The following DNM3 variants were observed in gnomAD, a reference collection of about 807,000 sequenced individuals.
DNM3 encodes the protein dynamin 3, also known as dynamin-3.
DNM3 carries 47 observed loss-of-function variants against 101.6 expected under a neutral mutation model. That is an observed-to-expected ratio of 0.46 (90% CI 0.37 to 0.59). The LOEUF is 0.59. Among genes scored for constraint, DNM3 ranks in the 20% least tolerant of loss-of-function variants. The pLI is 0.00. For synonymous variants in DNM3, 385 were observed against 387.9 expected (o/e 0.99, Z 0.09); for missense variants, 849 against 1,085.7 (o/e 0.78, Z 3.06).
At chr1:172,168,588 T>A (rs932465143) in intron 14 of DNM3, among the ~76,000 whole-genome samples, 2 of 151,954 alleles carry the variant, frequency 1.3e-5, no homozygotes, top group Admixed American at 1.3e-4. Flanking sequence ...ACTAAGCAAT[T>A]GAAGTATATG....
chr1:172,047,214 T>G (rs2049882622), intron 9 of DNM3, among the ~76,000 whole-genome samples: 1 of 152,192 alleles, frequency 6.6e-6, no homozygotes, highest in African/African-American at 2.4e-5. Context: ...TTCTTCATTG[T>G]TTTGTTAACA....
intron 15 of DNM3, among the ~76,000 whole-genome samples, chr1:172,264,854 G>A (rs73030918): frequency 1.3e-5 from 2 of 152,044 alleles, no homozygotes; most frequent in African/African-American, 2.4e-5. Context: ...CTACAACCCA[G>A]GTCTAATATC....
rs529747726 is a variant in DNM3 at position 172,409,582 on chromosome 1, C to A, written c.*1741C>A. The A allele has an allele frequency of 3.0e-6, 3 of 985,410 alleles. No individual in the cohort carries two copies. The highest frequency in any genetic ancestry group is 1.1e-4 in the East Asian group (1 of 8,818). The allele number at this position is 985,410 out of a possible 1,614,324, so 61.0% of individuals were successfully genotyped here. A position where few individuals can be genotyped will look rare whatever the true frequency, so the allele number is the denominator to read the frequency against. On this transcript the variant is annotated 3_prime_UTR_variant, in exon 21 of 21. Coordinates refer to ENST00000627582, the MANE Select transcript of DNM3 (RefSeq NM_015569.5). ...AAATCCTCTCGTATCTCACCCCAAA[C>A]CCCAAACTGGGGGAAAAAAAGTTAA... is the stretch of plus-strand genomic sequence containing the variant.
intron 18 of DNM3, among the ~76,000 whole-genome samples, chr1:172,386,154 TC>T (rs1466461307): frequency 5.3e-5 from 8 of 152,244 alleles, no homozygotes; most frequent in African/African-American, 1.7e-4. Context: ...CCATACTTCA[TC>T]GATTCTCACA....
chr1:172,313,112 A>G (rs750043708), intron 16 of DNM3, among the ~76,000 whole-genome samples: 61 of 152,244 alleles, frequency 4.0e-4, no homozygotes, highest in Non-Finnish European at 8.2e-4. Context: ...ATTTGGATTT[A>G]GCAGAATTTT....
intron 13 of DNM3, among the ~76,000 whole-genome samples, chr1:172,123,333 A>G (rs1402376929): frequency 6.6e-6 from 1 of 152,162 alleles, no homozygotes; most frequent in Non-Finnish European, 1.5e-5. Flanking sequence ...TCATAGCATT[A>G]GTTCATCAGA....
chr1:172,215,222 C>T (rs555898254), intron 14 of DNM3, among the ~76,000 whole-genome samples: 1 of 152,180 alleles, frequency 6.6e-6, no homozygotes, highest in African/African-American at 2.4e-5. Context: ...GTCTATTGCA[C>T]TTTTGAATAG....
At chr1:172,234,645 T>C (rs1441660838) in intron 14 of DNM3, among the ~76,000 whole-genome samples, 3 of 152,098 alleles carry the variant, frequency 2.0e-5, no homozygotes, top group Admixed American at 1.3e-4. Flanking sequence ...ATTACAAGGC[T>C]ACAGTAACCA....
chr1:172,205,004 G>C (rs2060276528), intron 14 of DNM3, among the ~76,000 whole-genome samples: 1 of 152,110 alleles, frequency 6.6e-6, no homozygotes, highest in Non-Finnish European at 1.5e-5. Flanking sequence ...TAATGGAAAA[G>C]AAAATAGTAG....
At chr1:172,044,334 A>G in intron 8 of DNM3, 51 bp from the exon 9 acceptor site, 1 of 1,449,066 alleles carries the variant, frequency 6.9e-7, no homozygotes, top group Non-Finnish European at 9.5e-7. Flanking sequence ...GTTCAACAAT[A>G]TTATTCAAAG....
intron 15 of DNM3, among the ~76,000 whole-genome samples, chr1:172,297,428 T>C (rs2064221924): frequency 6.6e-6 from 1 of 152,160 alleles, no homozygotes. Context: ...TGTAAGTGTA[T>C]TATCTACTGG....
chr1:172,262,813 C>CT (rs976170809), intron 15 of DNM3, among the ~76,000 whole-genome samples: 3 of 152,050 alleles, frequency 2.0e-5, no homozygotes, highest in Admixed American at 6.5e-5. Flanking sequence ...AGTGGATAGA[C>CT]TTTTTTTAGT....
intron 14 of DNM3, chr1:172,131,739 A>G: frequency 3.1e-6 from 1 of 321,424 alleles, no homozygotes; most frequent in South Asian, 2.6e-5. Flanking sequence ...AAAGGCTTTT[A>G]AGAACGTCCA....
chr1:171,875,476 T>C (rs967618634), intron 1 of DNM3, among the ~76,000 whole-genome samples: 3 of 152,226 alleles, frequency 2.0e-5, no homozygotes, highest in African/African-American at 2.4e-5. Flanking sequence ...GAATATAGTA[T>C]GTAAAAATGA....
chr1:172,048,870 C>A, intron 10 of DNM3, 120 bp downstream of exon 10: 1 of 1,259,554 alleles, frequency 7.9e-7, no homozygotes, highest in Non-Finnish European at 1.1e-6. Context: ...TGTTTGCCTA[C>A]AGGGAATGGT....
At chr1:171,969,376 A>G (rs1164521604) in intron 2 of DNM3, among the ~76,000 whole-genome samples, 1 of 152,202 alleles carries the variant, frequency 6.6e-6, no homozygotes, top group Non-Finnish European at 1.5e-5. Context: ...ATGATAAATC[A>G]TAGTCAGGAT....
chr1:172,167,308 C>A (rs2148325508), intron 14 of DNM3, among the ~76,000 whole-genome samples: 1 of 152,178 alleles, frequency 6.6e-6, no homozygotes, highest in Non-Finnish European at 1.5e-5. Flanking sequence ...TTTTCTTAAT[C>A]CAGTCTATCA....
At chr1:172,073,767 C>T (rs773293260) in intron 11 of DNM3, among the ~76,000 whole-genome samples, 3 of 152,160 alleles carry the variant, frequency 2.0e-5, no homozygotes, top group South Asian at 2.1e-4. Flanking sequence ...CTGTAAGCAC[C>T]GTATTTCTCC....
chr1:172,063,462 ACAC>A lies in DNM3; in HGVS notation c.1336-5356_1336-5354del, dbSNP rs2051407049. Among the ~76,000 whole-genome samples the A allele has an allele frequency of 2.6e-5, 4 of 152,154 alleles. No homozygotes were observed. The South Asian group carries it at 8.3e-4, about 32-fold the overall frequency. On this transcript the variant is annotated intron_variant, in intron 10 of 20. Transcript: ENST00000627582. ...AAATAATTAATCAGTACCCTAAATAACACTTACAACATTGGACCTTATTAAAAC... is the reference window on the plus strand; with the variant it reads ...AAATAATTAATCAGTACCCTAAATAATTACAACATTGGACCTTATTAAAAC...
Sources: gnomAD v4.1 joint callset for allele counts (sites outside exome capture counted in the v4.1 genomes callset) on GRCh38, gnomAD v4.1.1 for gene constraint, MANE v1.5 for transcripts, NCBI Gene and HGNC (gene_info 2026-07-23, HGNC 2026-07-21) for gene names.